The following RAB20 variants were observed in gnomAD, a reference collection of about 807,000 sequenced individuals.
RAB20 encodes ras-related protein Rab-20.
RAB20 carries 2 observed loss-of-function variants against 3.7 expected under a neutral mutation model. That is an observed-to-expected ratio of 0.54 (90% CI 0.22 to 1.69). The LOEUF (loss-of-function observed/expected upper bound fraction) is 1.69. RAB20 is among the 40% of genes most tolerant of loss of function. RAB20 has a pLI of 0.19. For synonymous variants in RAB20, 126 were observed against 130.8 expected (o/e 0.96, Z 0.25); for missense variants, 276 against 311.9 (o/e 0.88, Z 0.87).
intron 1 of RAB20, among the ~76,000 whole-genome samples, chr13:110,534,200 T>A (rs1884599981): frequency 1.3e-5 from 2 of 152,200 alleles, no homozygotes. Context: ...AAGTAAAGAC[T>A]GAGCTCTTCC....
chr13:110,531,163 G>A (rs1329602956), intron 1 of RAB20, among the ~76,000 whole-genome samples: 1 of 152,146 alleles, frequency 6.6e-6, no homozygotes, highest in Non-Finnish European at 1.5e-5. Flanking sequence ...GAAGGAGGTG[G>A]GCAACAGACA....
chr13:110,556,445 G>A lies in RAB20; in HGVS notation c.172+4903C>T, dbSNP rs79692380. On this transcript the variant is annotated intron_variant, in intron 1 of 1. Coordinates refer to ENST00000267328, the MANE Select transcript of RAB20 (RefSeq NM_017817.3). ...AGCCTCCAGAAAGGAATGCAATCCTGCAAGCTTTGACTTTAGCCCAGTGAG... is the reference window on the plus strand; with the variant it reads ...AGCCTCCAGAAAGGAATGCAATCCTACAAGCTTTGACTTTAGCCCAGTGAG... 1.7e-4 allele frequency among the ~76,000 whole-genome samples: 26 copies of A among 152,324 alleles called. No homozygotes were observed. The East Asian group carries it at 5.0e-3, about 29-fold the overall frequency.
intron 1 of RAB20, among the ~76,000 whole-genome samples, chr13:110,551,358 G>A (rs990193298): frequency 2.2e-4 from 34 of 152,188 alleles, no homozygotes; most frequent in African/African-American, 7.2e-4. Context: ...GGCCAGAGAC[G>A]CTGTAAGCAC....
Position 110,555,699 on chromosome 13 carries a change from G to A in RAB20, c.172+5649C>T, listed in dbSNP as rs183244592. 6.6e-5 allele frequency among the ~76,000 whole-genome samples: 10 copies of A among 152,272 alleles called. No individual in the cohort carries two copies. The highest frequency in any genetic ancestry group is 1.0e-4 in the Non-Finnish European group (7 of 68,020). On this transcript the variant is annotated intron_variant, in intron 1 of 1. Transcript: ENST00000267328. This position sits in a 1 kb window ranked among gnomAD's most constrained non-coding sequence, Gnocchi z 4.0. Reference sequence around the variant, plus strand: ...CTGCGGGTGAAACCAGTCATCAGCCGGCCCCCTGCTCGACTCCAAACAGCA... The same window carrying A: ...CTGCGGGTGAAACCAGTCATCAGCCAGCCCCCTGCTCGACTCCAAACAGCA...
chr13:110,525,194 A>G (rs1240865180), intron 1 of RAB20, among the ~76,000 whole-genome samples: 4 of 152,214 alleles, frequency 2.6e-5, no homozygotes, highest in African/African-American at 9.7e-5. Context: ...AGGAAACTGA[A>G]GTGTGGGGGA....
intron 1 of RAB20, among the ~76,000 whole-genome samples, chr13:110,529,636 C>G (rs1257822434): frequency 6.6e-6 from 1 of 152,202 alleles, no homozygotes; most frequent in African/African-American, 2.4e-5. Context: ...AGTGAGCTGC[C>G]AACCCTGGTC....
At chr13:110,554,906 C>G (rs1321924592) in intron 1 of RAB20, among the ~76,000 whole-genome samples, 1 of 152,024 alleles carries the variant, frequency 6.6e-6, no homozygotes, top group Non-Finnish European at 1.5e-5. Flanking sequence ...CTGAGAAACC[C>G]GTACTCTAGG....
chr13:110,554,689 T>C (rs13378809), intron 1 of RAB20, among the ~76,000 whole-genome samples: 3,606 of 152,278 alleles, frequency 0.024, 148 homozygotes, highest in African/African-American at 0.083. Context: ...GAGAAAGCTC[T>C]TAAACCAATT....
At chr13:110,545,781 G>A (rs905667443) in intron 1 of RAB20, among the ~76,000 whole-genome samples, 1 of 152,126 alleles carries the variant, frequency 6.6e-6, no homozygotes, top group Non-Finnish European at 1.5e-5. Context: ...TATAAAAAGG[G>A]CACAATAGGA....
intron 1 of RAB20, among the ~76,000 whole-genome samples, chr13:110,542,525 C>T (rs1884781960): frequency 6.6e-6 from 1 of 152,234 alleles, no homozygotes; most frequent in South Asian, 2.1e-4. Context: ...CACCATTCCA[C>T]TCTGCTTCAG....
At chr13:110,544,415 A>T (rs909696362) in intron 1 of RAB20, among the ~76,000 whole-genome samples, 1 of 152,002 alleles carries the variant, frequency 6.6e-6, no homozygotes, top group Non-Finnish European at 1.5e-5. Flanking sequence ...AAATTTTAGA[A>T]TTTTTTTCTA....
chr13:110,555,643 G>A lies in RAB20; in HGVS notation c.172+5705C>T, dbSNP rs541224661. Among the ~76,000 whole-genome samples the A allele has an allele frequency of 3.0e-4, 45 of 152,310 alleles. No homozygotes were observed. The South Asian group carries it at 7.3e-3, about 25-fold the overall frequency. On this transcript the variant is annotated intron_variant, in intron 1 of 1. Coordinates refer to ENST00000267328, the MANE Select transcript of RAB20 (RefSeq NM_017817.3). This position sits in a 1 kb window ranked among gnomAD's most constrained non-coding sequence, Gnocchi z 4.0. ...TCGCAGCTTGGGCAGAGGACGCCAC[G>A]GAAGCGCAAACGTGAATCAGCCTGT...
chr13:110,523,469 C>T lies in RAB20; in HGVS notation c.*196G>A. 1 of 1,086,876 alleles carries T rather than the reference C, an allele frequency of 9.2e-7. No homozygotes were observed. Among genetic ancestry groups the T allele is most frequent in the Non-Finnish European group, 1.3e-6 (1 of 783,778 alleles). The allele number at this position is 1,086,876 out of a possible 1,614,324, so 67.3% of individuals were successfully genotyped here. ...GATTCCTGTTTCCCACCTCCCCACC[C>T]CTCTGACAGAGACTGAGGAGACCAC... is the stretch of plus-strand genomic sequence containing the variant. On this transcript the variant is annotated 3_prime_UTR_variant, in exon 2 of 2. Coordinates refer to ENST00000267328, the MANE Select transcript of RAB20 (RefSeq NM_017817.3).
At chr13:110,535,110 A>G (rs1445368429) in intron 1 of RAB20, among the ~76,000 whole-genome samples, 3 of 152,248 alleles carry the variant, frequency 2.0e-5, no homozygotes, top group African/African-American at 7.2e-5. Context: ...CTGGGATTAC[A>G]GGCCTGAGCC....
intron 1 of RAB20, among the ~76,000 whole-genome samples, chr13:110,554,980 G>A (rs1478969367): frequency 7.3e-5 from 6 of 81,740 alleles, no homozygotes; most frequent in Admixed American, 7.1e-4. Context: ...CTGTGAAGCT[G>A]AGCGGCCCTG....
chr13:110,533,790 T>C (rs1299388371), intron 1 of RAB20, among the ~76,000 whole-genome samples: 1 of 152,250 alleles, frequency 6.6e-6, no homozygotes, highest in East Asian at 1.9e-4. Flanking sequence ...TGTTTGTTGA[T>C]TTTAGTGCAG....
At chr13:110,549,884 C>G (rs1040022797) in intron 1 of RAB20, among the ~76,000 whole-genome samples, 1 of 152,104 alleles carries the variant, frequency 6.6e-6, no homozygotes, top group African/African-American at 2.4e-5. Context: ...CCACCAAGCG[C>G]AGCTAATTTT....
chr13:110,546,469 G>A (rs926599679), intron 1 of RAB20, among the ~76,000 whole-genome samples: 1 of 152,196 alleles, frequency 6.6e-6, no homozygotes, highest in African/African-American at 2.4e-5. Flanking sequence ...TGAGATGGTA[G>A]CGTCCCGAAA....
intron 1 of RAB20, among the ~76,000 whole-genome samples, chr13:110,536,937 A>ACC (rs1410992133): frequency 1.5e-4 from 5 of 33,836 alleles, no homozygotes; most frequent in African/African-American, 7.1e-4. Context: ...CCCTCCCCCC[A>ACC]CCCCACAACA....
Sources: allele counts gnomAD v4.1 joint callset (sites outside exome capture counted in the v4.1 genomes callset), GRCh38; gene constraint gnomAD v4.1.1; non-coding constraint Gnocchi (gnomAD v3.1); transcripts MANE v1.5; gene names NCBI Gene and HGNC (gene_info 2026-07-23, HGNC 2026-07-21).